Variants in CEACAM21 observed in about 807,000 individuals in gnomAD.
The protein encoded by CEACAM21 is CEA cell adhesion molecule 21.
CEACAM21 carries 38 observed loss-of-function variants against 33.2 expected under a neutral mutation model. The observed-to-expected ratio is 1.14, with a 90% CI of 0.88 to 1.50. The LOEUF (loss-of-function observed/expected upper bound fraction) is 1.50, where lower values mean the gene tolerates loss of function less well. CEACAM21 is among the 40% of genes most tolerant of loss of function. The pLI, the probability that CEACAM21 is intolerant of heterozygous loss-of-function variation, is 0.00. For synonymous variants in CEACAM21, 156 were observed against 143.0 expected (o/e 1.09, Z -0.65); for missense variants, 385 against 364.6 (o/e 1.06, Z -0.46).
At chr19:41,550,388 A>G (rs2041136336) in intron 1 of CEACAM21, 1 of 152,262 alleles carries the variant, frequency 6.6e-6, no homozygotes, top group Admixed American at 6.5e-5. Flanking sequence ...TGGATGAAAT[A>G]TGAGCAGCAT....
chr19:41,581,234 C>T (rs2043355955), intron 3 of CEACAM21, among the ~76,000 whole-genome samples: 2 of 152,276 alleles, frequency 1.3e-5, no homozygotes, highest in East Asian at 1.9e-4. Flanking sequence ...AAGCCACAAA[C>T]AATAGCATGA....
upstream of CEACAM21, chr19:41,576,104 G>C: frequency 1.5e-6 from 1 of 674,420 alleles, no homozygotes; most frequent in Non-Finnish European, 2.6e-6. Flanking sequence ...GAGAGACATT[G>C]TAGGCAGAGC....
At chr19:41,585,308 C>T in intron 4 of CEACAM21, 135 bp from the exon 5 acceptor site, 1 of 871,724 alleles carries the variant, frequency 1.1e-6, no homozygotes, top group Non-Finnish European at 1.9e-6. Flanking sequence ...TGGGCCCCTC[C>T]TACCACAGAA....
At chr19:41,572,226 T>A (rs1049247791), upstream of CEACAM21, among the ~76,000 whole-genome samples, 1 of 152,202 alleles carries the variant, frequency 6.6e-6, no homozygotes, top group African/African-American at 2.4e-5. Flanking sequence ...CTTATTTTTT[T>A]AAAAGACCAT....
intron 1 of CEACAM21, among the ~76,000 whole-genome samples, chr19:41,559,066 G>A (rs1268255704): frequency 6.6e-6 from 1 of 152,186 alleles, no homozygotes; most frequent in Non-Finnish European, 1.5e-5. Flanking sequence ...AAATGAATCA[G>A]TAAACATATA....
intron 5 of CEACAM21, 128 bp downstream of exon 5, chr19:41,585,623 A>T: frequency 2.6e-6 from 3 of 1,165,832 alleles, no homozygotes; most frequent in Non-Finnish European, 3.8e-6. Context: ...CCCATAAAAC[A>T]TCACACAGGA....
intron 3 of CEACAM21, among the ~76,000 whole-genome samples, chr19:41,580,666 C>G (rs2043309166): frequency 6.6e-6 from 1 of 152,166 alleles, no homozygotes; most frequent in African/African-American, 2.4e-5. Context: ...GGGTGTGGAG[C>G]TTCCATGCCC....
At chr19:41,573,737 A>T (rs1250081252), upstream of CEACAM21, among the ~76,000 whole-genome samples, 3 of 152,160 alleles carry the variant, frequency 2.0e-5, no homozygotes, top group African/African-American at 7.2e-5. Flanking sequence ...GTCAATATAC[A>T]CTGTAACATA....
chr19:41,559,157 CTT>C (rs2041719090), intron 1 of CEACAM21, among the ~76,000 whole-genome samples: 1 of 152,164 alleles, frequency 6.6e-6, no homozygotes, highest in Non-Finnish European at 1.5e-5. Flanking sequence ...ACATGGAAAA[CTT>C]AGGAAATTTT....
At chr19:41,556,930 T>C (rs2041568677) in intron 1 of CEACAM21, among the ~76,000 whole-genome samples, 2 of 152,228 alleles carry the variant, frequency 1.3e-5, no homozygotes, top group Non-Finnish European at 2.9e-5. Context: ...AGGTCAATTG[T>C]TTAGAATAAA....
At chr19:41,562,194 C>T (rs571269903) in intron 1 of CEACAM21, among the ~76,000 whole-genome samples, 102 of 151,620 alleles carry the variant, frequency 6.7e-4, no homozygotes, top group South Asian at 3.3e-3. Context: ...TGCAGTGAGC[C>T]GAGATCGGCC....
intron 1 of CEACAM21, among the ~76,000 whole-genome samples, chr19:41,556,815 G>A (rs1234799003): frequency 6.6e-6 from 1 of 152,140 alleles, no homozygotes; most frequent in African/African-American, 2.4e-5. Context: ...TTTTTTGGCA[G>A]GGGGTCAGAT....
At chr19:41,576,147 G>A (rs2042924967), upstream of CEACAM21, 1 of 1,118,086 alleles carries the variant, frequency 8.9e-7, no homozygotes, top group Non-Finnish European at 1.3e-6. Flanking sequence ...AAGTGCTCCT[G>A]CCTGAGAGGA....
intron 1 of CEACAM21, among the ~76,000 whole-genome samples, chr19:41,561,887 G>C (rs1213940554): frequency 1.3e-5 from 2 of 152,146 alleles, no homozygotes; most frequent in Non-Finnish European, 2.9e-5. Context: ...GAATTAGATA[G>C]AAAAAGTACT....
chr19:41,568,446 T>C (rs1388507545), intron 2 of CEACAM21, among the ~76,000 whole-genome samples: 1 of 152,190 alleles, frequency 6.6e-6, no homozygotes, highest in Non-Finnish European at 1.5e-5. Context: ...TTTAATACAT[T>C]TTGAGTTAAT....
chr19:41,550,922 C>T (rs782285421), intron 1 of CEACAM21, among the ~76,000 whole-genome samples: 3 of 151,990 alleles, frequency 2.0e-5, no homozygotes. Flanking sequence ...ATGGACTGAG[C>T]ATCATGAAAA....
At chr19:41,582,939 C>G (rs1183884711) in intron 3 of CEACAM21, among the ~76,000 whole-genome samples, 1 of 152,204 alleles carries the variant, frequency 6.6e-6, no homozygotes, top group African/African-American at 2.4e-5. Context: ...AATTTCTCCT[C>G]AGAAAATGGA....
chr19:41,583,289 A>C (rs1168047116), intron 3 of CEACAM21, among the ~76,000 whole-genome samples: 2 of 152,102 alleles, frequency 1.3e-5, no homozygotes, highest in East Asian at 3.8e-4. Context: ...CTTGGACTTT[A>C]TTGTCCATAT....
At chr19:41,551,086 A>G (rs2041170462) in intron 1 of CEACAM21, 2 of 151,998 alleles carry the variant, frequency 1.3e-5, no homozygotes, top group African/African-American at 4.8e-5. Context: ...CCTGAGAAAG[A>G]CAAGTGTCTT....
Sources: gnomAD v4.1 joint callset for allele counts (sites outside exome capture counted in the v4.1 genomes callset) on GRCh38, gnomAD v4.1.1 for gene constraint, MANE v1.5 for transcripts, NCBI Gene and HGNC (gene_info 2026-07-23, HGNC 2026-07-21) for gene names.